The following CNR2 variants were observed in gnomAD, a reference collection of about 807,000 sequenced individuals.
The protein encoded by CNR2 is cannabinoid receptor 2 (macrophage).
For missense variants in CNR2, 379 were observed against 439.9 expected (o/e 0.86, Z 1.24); for synonymous variants, 172 against 182.2 (o/e 0.94, Z 0.45).
intron 1 of CNR2, among the ~76,000 whole-genome samples, chr1:23,879,092 C>G (rs1328651009): frequency 6.6e-6 from 1 of 152,070 alleles, no homozygotes; most frequent in Admixed American, 6.6e-5. Context: ...CTTTATAAAA[C>G]AACAATGATA....
At chr1:23,903,025 G>T (rs1640429158) in intron 1 of CNR2, among the ~76,000 whole-genome samples, 2 of 151,782 alleles carry the variant, frequency 1.3e-5, no homozygotes, top group South Asian at 4.1e-4. Context: ...AAGCAGGGAG[G>T]TCGGGCGCTG....
rs1350755540 is a variant in CNR2, at chr1:23,875,480, T to C, written c.138A>G (p.Leu46=). The change falls in exon 2 of 2, where the codon CTA becomes CTG. Residue 46 remains leucine (L), a synonymous_variant. Coordinates refer to ENST00000374472, the MANE Select transcript of CNR2 (RefSeq NM_001841.3). ...VAVLCTLLGL[L]SALENVAVLY... Reference sequence around the variant, plus strand: ...GCACAGCCACGTTCTCCAGGGCACTTAGCAGGCCCAGAAGAGTGCACAACA... The same window carrying C: ...GCACAGCCACGTTCTCCAGGGCACTCAGCAGGCCCAGAAGAGTGCACAACA... 4 of 1,614,176 alleles carry C rather than the reference T, an allele frequency of 2.5e-6. No individual in the cohort carries two copies. In the South Asian group the frequency reaches 3.3e-5, roughly 13 times the overall value.
rs2502995 is a variant in CNR2, at chr1:23,872,800, T to C, written c.*1735A>G. ...AGTGAGCCGGCACATGGTAGGTCTA[T>C]CCTACCGTTTATTGAGTTAACTCAA... On this transcript the variant is annotated 3_prime_UTR_variant, in exon 2 of 2. Coordinates refer to ENST00000374472, the MANE Select transcript of CNR2 (RefSeq NM_001841.3). 0.63 allele frequency: 96,466 copies of C among 152,124 alleles called. 31,008 individuals are homozygous for C. Among genetic ancestry groups the C allele is most frequent in the African/African-American group, 0.76 (31,369 of 41,502 alleles). The allele number at this position is 152,124 out of a possible 1,614,324, so 9.4% of individuals were successfully genotyped here. A position where few individuals can be genotyped will look rare whatever the true frequency, so the allele number is the denominator to read the frequency against.
chr1:23,882,208 C>T (rs1414326413), intron 1 of CNR2, among the ~76,000 whole-genome samples: 1 of 152,086 alleles, frequency 6.6e-6, no homozygotes, highest in Non-Finnish European at 1.5e-5. Flanking sequence ...TAGGCATGAG[C>T]TACCGTGCCT....
chr1:23,874,415 G>A lies in CNR2; in HGVS notation c.*120C>T, dbSNP rs1639825505. ...GTCCCAACACTCATCAGCAAAAAGG[G>A]GTCCGTGTCTAGGTGTCTGGGACTG... On this transcript the variant is annotated 3_prime_UTR_variant, in exon 2 of 2. Transcript: ENST00000374472. 8.8e-7 allele frequency: 1 copy of A among 1,135,172 alleles called. No homozygotes were observed. The highest frequency in any genetic ancestry group is 1.2e-6 in the Non-Finnish European group (1 of 801,224). The allele number at this position is 1,135,172 out of a possible 1,614,324, so 70.3% of individuals were successfully genotyped here.
At chr1:23,899,160 T>C (rs1203966595) in intron 1 of CNR2, among the ~76,000 whole-genome samples, 1 of 152,112 alleles carries the variant, frequency 6.6e-6, no homozygotes, top group Non-Finnish European at 1.5e-5. Flanking sequence ...TTCACGATCT[T>C]ATCTATGAGG....
At chr1:23,882,024 C>A (rs1028785263) in intron 1 of CNR2, among the ~76,000 whole-genome samples, 1 of 151,238 alleles carries the variant, frequency 6.6e-6, no homozygotes, top group East Asian at 2.0e-4. Context: ...CAGGTTCAAG[C>A]GATTCTCCTG....
At chr1:23,883,705 G>A (rs1304485772) in intron 1 of CNR2, among the ~76,000 whole-genome samples, 3 of 152,014 alleles carry the variant, frequency 2.0e-5, no homozygotes, top group Admixed American at 1.3e-4. Flanking sequence ...TGCGCCTGTA[G>A]TCCCACCTAC....
intron 1 of CNR2, among the ~76,000 whole-genome samples, chr1:23,876,926 G>T (rs6658703): frequency 0.63 from 95,804 of 151,252 alleles, 30,705 homozygotes; most frequent in African/African-American, 0.75. Flanking sequence ...CAGGAACCTA[G>T]ATATTGTACG....
chr1:23,892,561 C>T (rs1328745858), intron 1 of CNR2, among the ~76,000 whole-genome samples: 1 of 152,194 alleles, frequency 6.6e-6, no homozygotes, highest in Non-Finnish European at 1.5e-5. Context: ...TTTCCCTTGG[C>T]TGCCAGCAAG....
rs1557531184 is a variant in CNR2, at chr1:23,897,163, C to CCACGCCCGCCCTGAAGTAACATA, written c.-46+16082_-46+16083insTATGTTACTTCAGGGCGGGCGTG. On this transcript the variant is annotated intron_variant, in intron 1 of 1. Coordinates refer to ENST00000374472, the MANE Select transcript of CNR2 (RefSeq NM_001841.3). ...GTGCTGGAATTACAGGTGTGAGCCA[C>CCACGCCCGCCCTGAAGTAACATA]TGCACCCTGCCAGGAGTGGTTTTTT... Among the ~76,000 whole-genome samples the CCACGCCCGCCCTGAAGTAACATA allele has an allele frequency of 3.9e-5, 6 of 152,238 alleles. No individual in the cohort carries two copies. The East Asian group carries it at 5.8e-4, about 15-fold the overall frequency.
chr1:23,875,478 C>T lies in CNR2; in HGVS notation c.140G>A (p.Ser47Asn), dbSNP rs1302769261. ...GAGCACAGCCACGTTCTCCAGGGCACTTAGCAGGCCCAGAAGAGTGCACAA... is the reference window on the plus strand; with the variant it reads ...GAGCACAGCCACGTTCTCCAGGGCATTTAGCAGGCCCAGAAGAGTGCACAA... ...AVLCTLLGLL[S>N]ALENVAVLYL... Residue 47 changes from serine to asparagine, a missense_variant, in exon 2 of 2, where the codon AGT becomes AAT. Physicochemically the swap from Ser to Asn is conservative, Grantham distance 46. Transcript: ENST00000374472. 1 of 1,614,190 alleles carries T rather than the reference C, an allele frequency of 6.2e-7. No homozygotes were observed. Among genetic ancestry groups the T allele is most frequent in the African/African-American group, 1.3e-5 (1 of 75,058 alleles).
intron 1 of CNR2, among the ~76,000 whole-genome samples, chr1:23,910,404 T>C (rs1458610321): frequency 6.6e-6 from 1 of 151,362 alleles, no homozygotes; most frequent in Non-Finnish European, 1.5e-5. Flanking sequence ...GCTTCATCAA[T>C]CTTCGCTTAA....
chr1:23,891,635 A>AAAAAG (rs58607626), intron 1 of CNR2, among the ~76,000 whole-genome samples: 16,676 of 130,946 alleles, frequency 0.13, 1,679 homozygotes, highest in Middle Eastern at 0.22. Context: ...AAAAAAAAAA[A>AAAAAG]AAAGCCCAAA....
At chr1:23,881,041 C>G (rs1570703820) in intron 1 of CNR2, among the ~76,000 whole-genome samples, 1 of 151,164 alleles carries the variant, frequency 6.6e-6, no homozygotes, top group South Asian at 2.1e-4. Context: ...TTTGGGAGAC[C>G]AAGGCGGGCA....
At chr1:23,882,622 A>G (rs1477970200) in intron 1 of CNR2, among the ~76,000 whole-genome samples, 2 of 131,692 alleles carry the variant, frequency 1.5e-5, no homozygotes, top group East Asian at 2.2e-4. Flanking sequence ...CCTAGCCAAC[A>G]TGGTGAAACC....
intron 1 of CNR2, among the ~76,000 whole-genome samples, chr1:23,892,772 T>C (rs968260097): frequency 8.5e-5 from 13 of 152,182 alleles, no homozygotes; most frequent in Admixed American, 3.3e-4. Context: ...TCCCAGCACT[T>C]TGGGAGGCCG....
chr1:23,884,625 C>T (rs116115879), intron 1 of CNR2, among the ~76,000 whole-genome samples: 111 of 150,898 alleles, frequency 7.4e-4, no homozygotes, highest in African/African-American at 2.5e-3. Context: ...GTTTAATCCC[C>T]GCAACTCTAT....
chr1:23,905,772 C>T (rs1291072543), intron 1 of CNR2, among the ~76,000 whole-genome samples: 1 of 152,148 alleles, frequency 6.6e-6, no homozygotes, highest in East Asian at 1.9e-4. Flanking sequence ...GGGAGCTGAT[C>T]CTCCTGTAAG....
Sources: allele counts gnomAD v4.1 joint callset (sites outside exome capture counted in the v4.1 genomes callset), GRCh38; gene constraint gnomAD v4.1.1; transcripts MANE v1.5; gene names NCBI Gene and HGNC (gene_info 2026-07-23, HGNC 2026-07-21).